The following ZNF138 variants were observed in gnomAD, a reference collection of about 807,000 sequenced individuals.
The protein encoded by ZNF138 is zinc finger protein 138 (clone pHZ-32).
In ZNF138, 33 loss-of-function variants were observed where a neutral mutation model predicts 33.0. The ratio of observed to expected loss-of-function variants is 1.00; its 90% CI spans 0.76 to 1.34. The LOEUF (loss-of-function observed/expected upper bound fraction) is 1.34, where lower values mean the gene tolerates loss of function less well. Ranked by LOEUF, ZNF138 falls within the 40% of genes most tolerant of loss-of-function variation. The pLI is 0.00. For missense variants in ZNF138, 360 were observed against 370.8 expected, an observed-to-expected ratio of 0.97 and a Z score of 0.24; for synonymous variants, 139 against 120.4, an observed-to-expected ratio of 1.15 and a Z score of -1.01.
the ZNF138 span, among the ~76,000 whole-genome samples, chr7:64,842,308 C>T: frequency 2.4e-5 from 3 of 125,158 alleles, no homozygotes; most frequent in East Asian, 6.5e-4. Flanking sequence ...GTGATCTGCC[C>T]TCCTCTGCCT....
chr7:64,838,406 C>T (rs1281278657), downstream of ZNF138, among the ~76,000 whole-genome samples: 1 of 4,186 alleles, frequency 2.4e-4, no homozygotes, highest in South Asian at 0.062. Flanking sequence ...GGCTAGGGCA[C>T]CGGCTGGCCG....
chr7:64,848,778 C>T, the ZNF138 span, among the ~76,000 whole-genome samples: 9 of 144,274 alleles, frequency 6.2e-5, no homozygotes, highest in Admixed American at 2.2e-4. Flanking sequence ...GATCTCTGCG[C>T]ACTGCAGGCT....
At chr7:64,818,781 T>A (rs1395175815) in intron 3 of ZNF138, among the ~76,000 whole-genome samples, 1 of 152,010 alleles carries the variant, frequency 6.6e-6, no homozygotes, top group African/African-American at 2.4e-5. Context: ...ATTGAAAATT[T>A]CTCATTACAA....
In ZNF138 at chr7:64,814,912, T is replaced by C; in HGVS notation, c.4-6T>C. On this transcript the variant is annotated splice_polypyrimidine_tract_variant and splice_region_variant and intron_variant, in intron 1 of 3. Transcript: ENST00000307355. The stretch of plus-strand genomic sequence containing the variant: ...GTGTGTGTGTTTGTGTGTGCGTGTT[T>C]TTCAGGGACCACTGACATTTATGGA... The C allele has an allele frequency of 6.2e-7, 1 of 1,612,634 alleles. No homozygotes were observed. Among genetic ancestry groups the C allele is most frequent in the Non-Finnish European group, 8.5e-7 (1 of 1,179,102 alleles).
intron 3 of ZNF138, among the ~76,000 whole-genome samples, chr7:64,824,375 C>T (rs1457258665): frequency 6.6e-6 from 1 of 152,208 alleles, no homozygotes; most frequent in Admixed American, 6.5e-5. Flanking sequence ...GATGCTGACA[C>T]ACACTTCTTG....
At chr7:64,824,716 AG>A (rs1199974672) in intron 3 of ZNF138, among the ~76,000 whole-genome samples, 1 of 152,138 alleles carries the variant, frequency 6.6e-6, no homozygotes, top group African/African-American at 2.4e-5. Flanking sequence ...ACATAATATC[AG>A]TTTTTGTCTC....
At chr7:64,823,501 A>G (rs1295182805) in intron 3 of ZNF138, among the ~76,000 whole-genome samples, 3 of 151,948 alleles carry the variant, frequency 2.0e-5, no homozygotes, top group Non-Finnish European at 4.4e-5. Flanking sequence ...ATGTTCAACT[A>G]ATTTTTTGAT....
intron 3 of ZNF138, among the ~76,000 whole-genome samples, chr7:64,828,649 T>C (rs1789834827): frequency 6.6e-6 from 1 of 152,178 alleles, no homozygotes; most frequent in Non-Finnish European, 1.5e-5. Context: ...GACTGTATAT[T>C]TGAAAGTATA....
intron 3 of ZNF138, among the ~76,000 whole-genome samples, chr7:64,825,065 G>A (rs1434797078): frequency 1.3e-5 from 2 of 148,576 alleles, no homozygotes; most frequent in African/African-American, 5.0e-5. Context: ...GGCCAGGCTG[G>A]TTTCAGCCTC....
intron 1 of ZNF138, among the ~76,000 whole-genome samples, chr7:64,802,917 TAA>T (rs200422747): frequency 6.9e-6 from 1 of 145,948 alleles, no homozygotes; most frequent in Non-Finnish European, 1.5e-5. Context: ...TGTCTTATGT[TAA>T]AAAAAAAAAA....
At chr7:64,833,938 C>T (rs1790288356), downstream of ZNF138, among the ~76,000 whole-genome samples, 1 of 152,158 alleles carries the variant, frequency 6.6e-6, no homozygotes, top group Non-Finnish European at 1.5e-5. Context: ...GTTGGCCAGG[C>T]TCATCTCGAA....
the ZNF138 span, chr7:64,852,427 T>A: frequency 6.4e-7 from 1 of 1,567,862 alleles, no homozygotes; most frequent in Non-Finnish European, 8.7e-7. Flanking sequence ...GATTCACATT[T>A]TGAGTGGCCA....
the ZNF138 span, chr7:64,853,051 T>C: frequency 6.8e-7 from 1 of 1,466,764 alleles, no homozygotes; most frequent in South Asian, 1.1e-5. Flanking sequence ...CATTGGCACA[T>C]GCTATCCTGC....
chr7:64,821,207 A>G (rs941733541), intron 3 of ZNF138, among the ~76,000 whole-genome samples: 1 of 150,682 alleles, frequency 6.6e-6, no homozygotes, highest in Non-Finnish European at 1.5e-5. Flanking sequence ...CTCCTGCCTC[A>G]GCCTCCTGAG....
At chr7:64,853,103 G>T in the ZNF138 span, 1 of 1,416,690 alleles carries the variant, frequency 7.1e-7, no homozygotes, top group Non-Finnish European at 1.0e-6. Context: ...AATGTAATCT[G>T]TAGTTTGAAC....
At chr7:64,819,432 A>T (rs1161513169) in intron 3 of ZNF138, among the ~76,000 whole-genome samples, 1 of 148,088 alleles carries the variant, frequency 6.8e-6, no homozygotes, top group Non-Finnish European at 1.5e-5. Context: ...CAGTGGAAGG[A>T]TCTTGGCTCA....
chr7:64,827,563 A>T (rs1789741947), intron 3 of ZNF138, among the ~76,000 whole-genome samples: 1 of 152,120 alleles, frequency 6.6e-6, no homozygotes, highest in South Asian at 2.1e-4. Flanking sequence ...GGTAATAAAC[A>T]TCCTCACCTT....
the ZNF138 span, among the ~76,000 whole-genome samples, chr7:64,855,080 A>G: frequency 4.6e-5 from 7 of 152,192 alleles, no homozygotes; most frequent in African/African-American, 1.4e-4. Flanking sequence ...CTAACAGTCC[A>G]TTAAATTAAG....
chr7:64,833,995 G>C (rs1297138376), downstream of ZNF138, among the ~76,000 whole-genome samples: 2 of 152,102 alleles, frequency 1.3e-5, no homozygotes, highest in East Asian at 3.8e-4. Flanking sequence ...CAAAGTGCTG[G>C]AATAACAGGT....
Sources: allele counts gnomAD v4.1 joint callset (sites outside exome capture counted in the v4.1 genomes callset), GRCh38; gene constraint gnomAD v4.1.1; transcripts MANE v1.5; gene names NCBI Gene and HGNC (gene_info 2026-07-23, HGNC 2026-07-21).